GPC6: variants seen among roughly 807,000 people sequenced by gnomAD.
GPC6 encodes glypican 6.
In GPC6, 14 loss-of-function variants were observed where a neutral mutation model predicts 55.2. The observed-to-expected ratio is 0.25, with a 90% CI of 0.17 to 0.40. The LOEUF (loss-of-function observed/expected upper bound fraction) is 0.40. GPC6 is among the 10% of genes least tolerant of loss of function. The probability of loss-of-function intolerance (pLI) is 1.00; values close to 1 mark genes in which losing one functional copy is unlikely to be tolerated. For missense variants in GPC6, 641 were observed against 708.5 expected (o/e 0.90, Z 1.08); for synonymous variants, 278 against 259.6 (o/e 1.07, Z -0.68).
chr13:93,858,009 A>C (rs1888681457), intron 3 of GPC6, among the ~76,000 whole-genome samples: 1 of 151,456 alleles, frequency 6.6e-6, no homozygotes, highest in Admixed American at 6.6e-5. Flanking sequence ...ACATACATTA[A>C]TTACATATTA....
intron 2 of GPC6, among the ~76,000 whole-genome samples, chr13:93,589,246 C>T (rs534064997): frequency 7.4e-6 from 1 of 135,328 alleles, no homozygotes; most frequent in South Asian, 2.5e-4. Context: ...ATGCCCATTA[C>T]CTTTTCATTT....
At chr13:93,675,773 A>G (rs935984026) in intron 2 of GPC6, among the ~76,000 whole-genome samples, 1 of 152,168 alleles carries the variant, frequency 6.6e-6, no homozygotes, top group Non-Finnish European at 1.5e-5. Flanking sequence ...ATTACTCCAC[A>G]TAACCAAAAC....
chr13:93,950,096 A>G (rs552633445), intron 3 of GPC6, among the ~76,000 whole-genome samples: 7 of 152,340 alleles, frequency 4.6e-5, no homozygotes, highest in African/African-American at 1.7e-4. Context: ...TGATGGTGGC[A>G]TAACACTGTG....
chr13:94,070,298 A>G (rs1339376244), intron 4 of GPC6, among the ~76,000 whole-genome samples: 1 of 152,152 alleles, frequency 6.6e-6, no homozygotes, highest in Non-Finnish European at 1.5e-5. Context: ...ATTACCTCCC[A>G]CCAGGTTCCT....
At chr13:93,356,215 G>A (rs759951792) in intron 1 of GPC6, among the ~76,000 whole-genome samples, 10 of 152,128 alleles carry the variant, frequency 6.6e-5, no homozygotes, top group Non-Finnish European at 1.5e-4. Context: ...ACCCATTTAG[G>A]TGAATTCATA....
chr13:93,273,411 C>T (rs1442428841), intron 1 of GPC6, among the ~76,000 whole-genome samples: 4 of 152,152 alleles, frequency 2.6e-5, no homozygotes, highest in Non-Finnish European at 5.9e-5. Context: ...GTAATCCCAG[C>T]ACTTTGGGAG....
chr13:93,260,618 C>A (rs1877112007), intron 1 of GPC6, among the ~76,000 whole-genome samples: 1 of 152,028 alleles, frequency 6.6e-6, no homozygotes, highest in Admixed American at 6.6e-5. Context: ...ATTTAAATCA[C>A]ATTACAGGAC....
chr13:93,983,431 GT>G (rs111524895), intron 3 of GPC6, among the ~76,000 whole-genome samples: 61 of 144,090 alleles, frequency 4.2e-4, no homozygotes, highest in East Asian at 2.6e-3. Flanking sequence ...AATTCATCGT[GT>G]TTTTTTTTTA....
At chr13:94,316,113 T>G (rs1876508340) in intron 6 of GPC6, among the ~76,000 whole-genome samples, 1 of 152,152 alleles carries the variant, frequency 6.6e-6, no homozygotes, top group African/African-American at 2.4e-5. Context: ...ACCATGCTCT[T>G]GTAAAGATTG....
chr13:93,647,416 A>G (rs1008812446), intron 2 of GPC6, among the ~76,000 whole-genome samples: 1 of 152,268 alleles, frequency 6.6e-6, no homozygotes, highest in South Asian at 2.1e-4. Flanking sequence ...TGAAATGTCT[A>G]TGGCACAAGG....
At chr13:94,386,612 A>G (rs1049000883) in intron 7 of GPC6, among the ~76,000 whole-genome samples, 1 of 152,202 alleles carries the variant, frequency 6.6e-6, no homozygotes, top group African/African-American at 2.4e-5. Flanking sequence ...ATAAAAAATA[A>G]GAAGAAATAA....
At chr13:94,377,976 C>T (rs1215027619) in intron 6 of GPC6, among the ~76,000 whole-genome samples, 17 of 152,026 alleles carry the variant, frequency 1.1e-4, no homozygotes, top group Non-Finnish European at 1.5e-5. Flanking sequence ...TATTCTCACT[C>T]ATAAGTGGGA....
intron 2 of GPC6, among the ~76,000 whole-genome samples, chr13:93,596,949 A>G (rs924203705): frequency 4.7e-5 from 7 of 149,040 alleles, no homozygotes; most frequent in African/African-American, 1.7e-4. Flanking sequence ...TATGGTTCCA[A>G]AACAAAAGCT....
chr13:93,612,458 C>T (rs1305506193), intron 2 of GPC6, among the ~76,000 whole-genome samples: 1 of 150,972 alleles, frequency 6.6e-6, no homozygotes, highest in African/African-American at 2.4e-5. Context: ...AAGATTGCGC[C>T]ACTGCACTCC....
intron 4 of GPC6, among the ~76,000 whole-genome samples, chr13:94,083,393 C>T (rs1202936321): frequency 6.6e-6 from 1 of 152,220 alleles, no homozygotes; most frequent in Non-Finnish European, 1.5e-5. Context: ...GCTGGGATTA[C>T]AGGCATGAGC....
intron 2 of GPC6, among the ~76,000 whole-genome samples, chr13:93,618,140 A>G (rs1878802040): frequency 6.6e-6 from 1 of 152,080 alleles, no homozygotes; most frequent in African/African-American, 2.4e-5. Context: ...ACCTAATTTG[A>G]TTGACTTCCA....
At chr13:94,259,903 T>C (rs368668345) in intron 4 of GPC6, among the ~76,000 whole-genome samples, 2 of 151,884 alleles carry the variant, frequency 1.3e-5, no homozygotes, top group African/African-American at 4.8e-5. Context: ...CACACACACA[T>C]ACACACACAC....
At chr13:93,239,264 G>C (rs1051184736) in intron 1 of GPC6, among the ~76,000 whole-genome samples, 3 of 151,854 alleles carry the variant, frequency 2.0e-5, no homozygotes, top group Non-Finnish European at 4.4e-5. Flanking sequence ...CTCACTACTT[G>C]TTATTTGTCT....
Position 93,698,106 on chromosome 13 carries a change from T to G in GPC6, c.320-132048T>G, listed in dbSNP as rs565237545. Reference sequence around the variant, plus strand: ...TGAGTCCTTTCTATTCATCCAAACTTAACTTCTCTTCTTCTTGGCTCTCAC... The same window carrying G: ...TGAGTCCTTTCTATTCATCCAAACTGAACTTCTCTTCTTCTTGGCTCTCAC... On this transcript the variant is annotated intron_variant, in intron 2 of 8. Coordinates refer to ENST00000377047, the MANE Select transcript of GPC6 (RefSeq NM_005708.5). Among the ~76,000 whole-genome samples the G allele has an allele frequency of 5.3e-5, 8 of 152,220 alleles. 1 individual carries two copies. In the South Asian group the frequency reaches 1.7e-3, roughly 32 times the overall value.
Sources: gnomAD v4.1 joint callset for allele counts (sites outside exome capture counted in the v4.1 genomes callset) on GRCh38, gnomAD v4.1.1 for gene constraint, MANE v1.5 for transcripts, NCBI Gene and HGNC (gene_info 2026-07-23, HGNC 2026-07-21) for gene names.